B3GAT2: variants seen among roughly 807,000 people sequenced by gnomAD.
B3GAT2 encodes galactosylgalactosylxylosylprotein 3-beta-glucuronosyltransferase 2.
A neutral mutation model predicts 27.8 loss-of-function variants in B3GAT2; 26 were observed. The ratio of observed to expected loss-of-function variants is 0.93; its 90% CI spans 0.68 to 1.30. B3GAT2 has a LOEUF of 1.30. B3GAT2 is among the 50% of genes most tolerant of loss of function. The probability of loss-of-function intolerance (pLI) is 0.00; values close to 1 mark genes in which losing one functional copy is unlikely to be tolerated. For synonymous variants in B3GAT2, 218 were observed against 195.1 expected (o/e 1.12, Z -0.98); for missense variants, 458 against 459.0 (o/e 1.00, Z 0.02).
chr6:70,886,301 A>T (rs572566222), intron 2 of B3GAT2, among the ~76,000 whole-genome samples: 2 of 152,316 alleles, frequency 1.3e-5, no homozygotes, highest in African/African-American at 4.8e-5. Flanking sequence ...TAATAAAACT[A>T]GCATATCCCT....
intron 1 of B3GAT2, among the ~76,000 whole-genome samples, chr6:70,921,992 G>T (rs1341337940): frequency 1.3e-5 from 2 of 152,142 alleles, no homozygotes; most frequent in Non-Finnish European, 2.9e-5. Flanking sequence ...TTCCCAGTAT[G>T]CTGGTAACAG....
rs1771659538 is a variant in B3GAT2, at chr6:70,860,312, T to C, written c.*1351A>G. The C allele has an allele frequency of 6.2e-7, 1 of 1,612,294 alleles. No individual in the cohort carries two copies. The highest frequency in any genetic ancestry group is 8.5e-7 in the Non-Finnish European group (1 of 1,179,442). Reference sequence around the variant, plus strand: ...TCTGGAAGCTCATCAGGTCAGACTCTCAGCACACAACTGTGGAAATGAAAA... The same window carrying C: ...TCTGGAAGCTCATCAGGTCAGACTCCCAGCACACAACTGTGGAAATGAAAA... On this transcript the variant is annotated 3_prime_UTR_variant, in exon 4 of 4. Transcript: ENST00000230053.
At chr6:70,895,824 C>A (rs1458545218) in intron 1 of B3GAT2, among the ~76,000 whole-genome samples, 26 of 143,824 alleles carry the variant, frequency 1.8e-4, no homozygotes, top group Admixed American at 1.8e-3. Flanking sequence ...CTCACACTAA[C>A]TTTTACAACT....
intron 1 of B3GAT2, among the ~76,000 whole-genome samples, chr6:70,902,614 T>A (rs1772518878): frequency 1.3e-5 from 1 of 74,094 alleles, no homozygotes; most frequent in Non-Finnish European, 2.6e-5. Flanking sequence ...ATTAAGAAAA[T>A]GGGATATATA....
intron 1 of B3GAT2, among the ~76,000 whole-genome samples, chr6:70,928,910 T>C (rs888489220): frequency 6.6e-6 from 1 of 152,170 alleles, no homozygotes; most frequent in Non-Finnish European, 1.5e-5. Context: ...CACATGCACA[T>C]GTATGTTTAT....
chr6:70,938,095 C>A (rs1390189729), intron 1 of B3GAT2, among the ~76,000 whole-genome samples: 5 of 150,690 alleles, frequency 3.3e-5, no homozygotes, highest in Non-Finnish European at 7.4e-5. Context: ...CACAAGCATT[C>A]TTATACACCA....
At chr6:70,955,535 A>G (rs1765640373) in intron 1 of B3GAT2, among the ~76,000 whole-genome samples, 1 of 151,900 alleles carries the variant, frequency 6.6e-6, no homozygotes, top group Non-Finnish European at 1.5e-5. Context: ...GCCCCTGGAA[A>G]TCATTCCCGC....
At chr6:70,904,150 T>C (rs1772557023) in intron 1 of B3GAT2, among the ~76,000 whole-genome samples, 1 of 152,178 alleles carries the variant, frequency 6.6e-6, no homozygotes. Flanking sequence ...AGGCCTCATA[T>C]AGTGTTATTC....
intron 2 of B3GAT2, among the ~76,000 whole-genome samples, chr6:70,866,115 G>A (rs933000687): frequency 3.3e-5 from 5 of 152,152 alleles, no homozygotes; most frequent in Admixed American, 6.5e-5. Flanking sequence ...ACTACCTCAG[G>A]CCAGGTACAG....
intron 2 of B3GAT2, among the ~76,000 whole-genome samples, chr6:70,886,565 C>T (rs538402669): frequency 2.6e-5 from 4 of 152,182 alleles, no homozygotes; most frequent in African/African-American, 9.6e-5. Flanking sequence ...AACCCGTCTC[C>T]CCACTTCCCC....
intron 1 of B3GAT2, among the ~76,000 whole-genome samples, chr6:70,903,834 G>A (rs1005591522): frequency 6.6e-6 from 1 of 151,954 alleles, no homozygotes; most frequent in African/African-American, 2.4e-5. Context: ...AAAAAAATTG[G>A]TAGTTTCCTA....
rs967718413 is a variant in B3GAT2, at chr6:70,860,768, G to A, written c.*895C>T. 5.0e-5 allele frequency: 20 copies of A among 399,306 alleles called. No homozygotes were observed. Among genetic ancestry groups the A allele is most frequent in the African/African-American group, 2.9e-4 (14 of 48,598 alleles). 24.7% of individuals were successfully genotyped at this position (399,306 alleles called of 1,614,324 possible). ...AAATGTTTAATCATATAAATAGAAT[G>A]TAAATGTCTCACTGAGCACTGTTTT... On this transcript the variant is annotated 3_prime_UTR_variant, in exon 4 of 4. Coordinates refer to ENST00000230053, the MANE Select transcript of B3GAT2 (RefSeq NM_080742.3).
chr6:70,889,042 A>AGT (rs1772239555), intron 2 of B3GAT2, among the ~76,000 whole-genome samples: 1 of 152,190 alleles, frequency 6.6e-6, no homozygotes, highest in Non-Finnish European at 1.5e-5. Flanking sequence ...TGCTACATTC[A>AGT]GTGTGTGTGG....
chr6:70,877,606 C>T (rs1404522979), intron 2 of B3GAT2, among the ~76,000 whole-genome samples: 2 of 152,174 alleles, frequency 1.3e-5, no homozygotes, highest in Non-Finnish European at 2.9e-5. Flanking sequence ...CAAATCTTAC[C>T]TTACATTGGC....
chr6:70,858,285 ATC>A lies in B3GAT2; in HGVS notation c.*3376_*3377del, dbSNP rs1771525088. 1,040 of 1,018,948 alleles carry A rather than the reference ATC, an allele frequency of 1.0e-3. 1 individual carries two copies. Among genetic ancestry groups the A allele is most frequent in the East Asian group, 1.5e-3 (46 of 31,066 alleles). The allele number at this position is 1,018,948 out of a possible 1,614,324, so 63.1% of individuals were successfully genotyped here. On this transcript the variant is annotated 3_prime_UTR_variant, in exon 4 of 4. Transcript: ENST00000230053. The stretch of plus-strand genomic sequence containing the variant: ...AAATCAAACCAGATTTATTTTCTAA[ATC>A]TTTTTTTTTTTTTTTTTTTTTTTTT...
At position 70,884,101 on chromosome 6, in the gene B3GAT2, AAAAAAAAAAAAAC is replaced by A. The variant is rs1438656206; in HGVS notation, c.736+10014_736+10026del. Among the ~76,000 whole-genome samples the A allele has an allele frequency of 7.7e-4, 115 of 149,476 alleles. No homozygotes were observed. In the East Asian group the frequency reaches 9.1e-3, roughly 12 times the overall value. On this transcript the variant is annotated intron_variant, in intron 2 of 3. Coordinates refer to ENST00000230053, the MANE Select transcript of B3GAT2 (RefSeq NM_080742.3). ...TCGGGATCACCTCAAGACTCAAAAA[AAAAAAAAAAAAAC>A]AAAAAAAACCCGCAACCACACAAAT...
chr6:70,862,945 T>C (rs1202914018), intron 2 of B3GAT2, among the ~76,000 whole-genome samples: 10 of 152,022 alleles, frequency 6.6e-5, no homozygotes, highest in Non-Finnish European at 1.5e-5. Context: ...CCACTGCAAC[T>C]CCAGCCTGGG....
chr6:70,860,862 G>A lies in B3GAT2; in HGVS notation c.*801C>T. 1 of 394,342 alleles carries A rather than the reference G, an allele frequency of 2.5e-6. No homozygotes were observed. Among genetic ancestry groups the A allele is most frequent in the African/African-American group, 2.1e-5 (1 of 48,612 alleles). 24.4% of individuals were successfully genotyped at this position (394,342 alleles called of 1,614,324 possible). On this transcript the variant is annotated 3_prime_UTR_variant, in exon 4 of 4. Coordinates refer to ENST00000230053, the MANE Select transcript of B3GAT2 (RefSeq NM_080742.3). The stretch of plus-strand genomic sequence containing the variant: ...GCTGTTGTTATGATGTGCTTAACAG[G>A]GAACGTGATTAGTGAAAGGAAGATA...
intron 1 of B3GAT2, among the ~76,000 whole-genome samples, chr6:70,938,460 A>G (rs1228323748): frequency 6.6e-6 from 1 of 152,018 alleles, no homozygotes; most frequent in Admixed American, 6.6e-5. Context: ...ATCCTAAGCC[A>G]AAAGAACAAA....
Sources: gnomAD v4.1 joint callset for allele counts (sites outside exome capture counted in the v4.1 genomes callset) on GRCh38, gnomAD v4.1.1 for gene constraint, MANE v1.5 for transcripts, NCBI Gene and HGNC (gene_info 2026-07-23, HGNC 2026-07-21) for gene names.